VNN1: variants seen among roughly 807,000 people sequenced by gnomAD.
The protein encoded by VNN1 is vanin 1.
VNN1 carries 29 observed loss-of-function variants against 41.9 expected under a neutral mutation model. That is an observed-to-expected ratio of 0.69 (90% CI 0.52 to 0.94). VNN1 has a LOEUF of 0.94. Among genes scored for constraint, VNN1 ranks in the 40% least tolerant of loss-of-function variants. The pLI, the probability that VNN1 is intolerant of heterozygous loss-of-function variation, is 0.00. For synonymous variants in VNN1, 233 were observed against 224.4 expected (o/e 1.04, Z -0.34); for missense variants, 637 against 621.1 (o/e 1.03, Z -0.27).
rs541499094 is a variant in VNN1 at position 132,713,804 on chromosome 6, G to A, written c.210+22C>T. 24 of 1,611,646 alleles carry A rather than the reference G, an allele frequency of 1.5e-5. No individual in the cohort carries two copies. In the East Asian group the frequency reaches 5.3e-4, roughly 36 times the overall value. On this transcript the variant is annotated intron_variant, in intron 1 of 6. Transcript: ENST00000367928. ...CCTTTCTCATAGAATCCAGTACACT[G>A]GAGAGATGGTAGAGATGGTACCTGA...
chr6:132,688,397 G>A (rs1199007817), intron 5 of VNN1, among the ~76,000 whole-genome samples: 1 of 152,138 alleles, frequency 6.6e-6, no homozygotes, highest in East Asian at 1.9e-4. Flanking sequence ...GGTACCAATC[G>A]TTTAGATGAA....
At chr6:132,700,072 A>C (rs1778428927) in intron 2 of VNN1, among the ~76,000 whole-genome samples, 1 of 152,218 alleles carries the variant, frequency 6.6e-6, no homozygotes, top group South Asian at 2.1e-4. Context: ...AAAAGTTTAA[A>C]CCATATGTGA....
chr6:132,707,815 A>G (rs990488692), intron 2 of VNN1, among the ~76,000 whole-genome samples: 5 of 152,218 alleles, frequency 3.3e-5, no homozygotes, highest in African/African-American at 1.2e-4. Context: ...TGAGGAGATT[A>G]ATGGGTACAA....
Position 132,692,451 on chromosome 6 carries a change from G to A in VNN1, c.960C>T (p.Ala320=). The change falls in exon 5 of 7, where the codon GCC becomes GCT. Residue 320 remains alanine (A), a synonymous_variant. Coordinates refer to ENST00000367928, the MANE Select transcript of VNN1 (RefSeq NM_004666.3). ...HSAVVNWTSY[A]SSIEALSSGN... ...CTGATGAGAGCGCTTCTATACTGCT[G>A]GCATAGGAAGTCCAGTTCACCACTG... The A allele has an allele frequency of 6.2e-7, 1 of 1,614,076 alleles. No homozygotes were observed. The highest frequency in any genetic ancestry group is 1.1e-5 in the South Asian group (1 of 91,084).
chr6:132,689,611 G>A (rs753406816), intron 5 of VNN1, among the ~76,000 whole-genome samples: 16 of 152,004 alleles, frequency 1.1e-4, no homozygotes, highest in Non-Finnish European at 2.4e-4. Context: ...TGTATTTGCA[G>A]GTTTCTTGTC....
intron 5 of VNN1, among the ~76,000 whole-genome samples, chr6:132,691,617 T>C (rs1421860987): frequency 6.6e-6 from 1 of 152,200 alleles, no homozygotes; most frequent in Non-Finnish European, 1.5e-5. Flanking sequence ...GTAATTTGAA[T>C]ATTTATTTTT....
At chr6:132,701,661 CACA>C (rs1778450289) in intron 2 of VNN1, among the ~76,000 whole-genome samples, 1 of 152,172 alleles carries the variant, frequency 6.6e-6, no homozygotes, top group Non-Finnish European at 1.5e-5. Context: ...AACAACCATC[CACA>C]ACAAGAATGA....
intron 2 of VNN1, among the ~76,000 whole-genome samples, chr6:132,707,945 G>C (rs909321518): frequency 6.6e-6 from 1 of 152,274 alleles, no homozygotes; most frequent in East Asian, 1.9e-4. Context: ...TGAATGGTTT[G>C]TAATACAAAG....
Position 132,681,741 on chromosome 6 carries a change from G to GA in VNN1, c.*1398dup, listed in dbSNP as rs575175982. 1 of 152,490 alleles carries GA rather than the reference G, an allele frequency of 6.6e-6. No homozygotes were observed. Among genetic ancestry groups the GA allele is most frequent in the African/African-American group, 2.4e-5 (1 of 41,484 alleles). 9.4% of individuals were successfully genotyped at this position (152,490 alleles called of 1,614,324 possible). A position where few individuals can be genotyped will look rare whatever the true frequency, so the allele number is the denominator to read the frequency against. On this transcript the variant is annotated 3_prime_UTR_variant, in exon 7 of 7. Coordinates refer to ENST00000367928, the MANE Select transcript of VNN1 (RefSeq NM_004666.3). ...GCTTTCTTATTTTCTATTAGGTCTTGAAAAAAAGCAAATGTCAGTTAATGT... is the reference window on the plus strand; with the variant it reads ...GCTTTCTTATTTTCTATTAGGTCTTGAAAAAAAAGCAAATGTCAGTTAATGT...
chr6:132,698,841 TG>T, intron 2 of VNN1: 1 of 226,156 alleles, frequency 4.4e-6, no homozygotes, highest in Non-Finnish European at 1.0e-5. Flanking sequence ...AATGCCTTGT[TG>T]GAACTGAAGT....
In VNN1 at chr6:132,694,088, C is replaced by G. The variant is rs45624336; in HGVS notation, c.436G>C (p.Asp146His). ...GGGGGACACTGAGGATCACTGGTATCGCATGGCTTCTTGTCCCCAATATTT... is the reference window on the plus strand; with the variant it reads ...GGGGGACACTGAGGATCACTGGTATGGCATGGCTTCTTGTCCCCAATATTT... ...VANIGDKKPCDTSDPQCPPDG... is the reference protein window; with the variant it reads ...VANIGDKKPCHTSDPQCPPDG... The change falls in exon 3 of 7, where the codon GAT becomes CAT. Residue 146 changes from aspartate (D) to histidine (H), a missense_variant. Coordinates refer to ENST00000367928, the MANE Select transcript of VNN1 (RefSeq NM_004666.3). 86 of 1,614,122 alleles carry G rather than the reference C, an allele frequency of 5.3e-5. 1 individual carries two copies. The Admixed American group carries it at 1.1e-3, about 21-fold the overall frequency.
chr6:132,702,420 G>T (rs77878460), intron 2 of VNN1, among the ~76,000 whole-genome samples: 1 of 152,146 alleles, frequency 6.6e-6, no homozygotes, highest in East Asian at 1.9e-4. Flanking sequence ...TGCCAAAAAC[G>T]TTGGGGACAG....
chr6:132,697,597 A>C lies in VNN1; in HGVS notation c.342-3415T>G, dbSNP rs1440763053. On this transcript the variant is annotated intron_variant, in intron 2 of 6. Coordinates refer to ENST00000367928, the MANE Select transcript of VNN1 (RefSeq NM_004666.3). ...CTCTGAAATGATAAATGGTTATTGA[A>C]GAATAGCTGAGAAGGCTGAGATAAC... Among the ~76,000 whole-genome samples the C allele has an allele frequency of 3.3e-5, 5 of 151,978 alleles. No individual in the cohort carries two copies. The South Asian group carries it at 6.2e-4, about 19-fold the overall frequency.
In VNN1 at chr6:132,693,879, C is replaced by G. The variant is rs909976; in HGVS notation, c.534+111G>C. On this transcript the variant is annotated intron_variant, in intron 3 of 6. Transcript: ENST00000367928. ...TTTATCATTACTTTCTATGCTTTGC[C>G]CCTACTCGATTTCTAAAGTGTGCTT... 4.9e-3 allele frequency: 6,170 copies of G among 1,259,432 alleles called. 240 individuals carry two copies. The African/African-American group carries it at 0.081, about 16-fold the overall frequency. 78.0% of individuals were successfully genotyped at this position (1,259,432 alleles called of 1,614,324 possible).
At position 132,692,690 on chromosome 6, in the gene VNN1, GTTATATGTTTTATT is replaced by G. The variant is rs1479117902; in HGVS notation, c.827-120_827-107del. ...CATATTCACATTTTACTCTCTCTAA[GTTATATGTTTTATT>G]AATTTCAGTAAAACATGCTGATAAA... On this transcript the variant is annotated intron_variant, in intron 4 of 6. Transcript: ENST00000367928. 164 of 1,366,918 alleles carry G rather than the reference GTTATATGTTTTATT, an allele frequency of 1.2e-4. 4 individuals carry two copies. The East Asian group carries it at 2.0e-3, about 17-fold the overall frequency. The allele number at this position is 1,366,918 out of a possible 1,614,324, so 84.7% of individuals were successfully genotyped here.
Position 132,692,256 on chromosome 6 carries a change from T to C in VNN1, c.1155A>G (p.Gly385=), listed in dbSNP as rs1778300359. 1 of 1,607,644 alleles carries C rather than the reference T, an allele frequency of 6.2e-7. No homozygotes were observed. The highest frequency in any genetic ancestry group is 1.7e-5 in the Admixed American group (1 of 59,166). ...NEVYALGAFD[G]LHTVEGRYYL... ...AATAGCGCCCTTCCACAGTGTGCAG[T>C]CCGTCAAATGCCCCTAGAGCGTACA... The change falls in exon 5 of 7, where the codon GGA becomes GGG. Residue 385 remains glycine, a synonymous_variant. Transcript: ENST00000367928.
intron 5 of VNN1, among the ~76,000 whole-genome samples, chr6:132,685,747 T>G (rs1778196194): frequency 6.6e-6 from 1 of 152,126 alleles, no homozygotes; most frequent in East Asian, 1.9e-4. Flanking sequence ...GGAAAATAAA[T>G]GAGCAGAAAG....
chr6:132,684,396 GT>G lies in VNN1; in HGVS notation c.1297del (p.Thr433ProfsTer10). On this transcript the variant is annotated frameshift_variant, in exon 6 of 7. Transcript: ENST00000367928. LOFTEE classifies it high-confidence loss of function. ...EMFSLSGTFG[T>X]QYVFPEVLLS... The stretch of plus-strand genomic sequence containing the variant: ...CAACACCTCAGGAAAGACATACTGG[GT>G]TCCGAAAGTGCCACTGAGGGAGAAC... The G allele has an allele frequency of 6.2e-7, 1 of 1,613,986 alleles. No individual in the cohort carries two copies. Among genetic ancestry groups the G allele is most frequent in the Non-Finnish European group, 8.5e-7 (1 of 1,179,944 alleles).
intron 2 of VNN1, among the ~76,000 whole-genome samples, chr6:132,709,342 G>C (rs897034821): frequency 1.3e-5 from 2 of 152,046 alleles, no homozygotes; most frequent in Non-Finnish European, 2.9e-5. Flanking sequence ...ACAATGTTTA[G>C]ACATAATAGG....
Sources: allele counts gnomAD v4.1 joint callset (sites outside exome capture counted in the v4.1 genomes callset), GRCh38; gene constraint gnomAD v4.1.1; transcripts MANE v1.5; gene names NCBI Gene and HGNC (gene_info 2026-07-23, HGNC 2026-07-21).